CLEC20A: variants seen among roughly 807,000 people sequenced by gnomAD.
CLEC20A encodes C-type lectin domain containing 20A.
chr1:178,486,256 G>A (rs890435445), intron 5 of CLEC20A, among the ~76,000 whole-genome samples: 1 of 152,188 alleles, frequency 6.6e-6, no homozygotes, highest in Non-Finnish European at 1.5e-5. Context: ...AGCCGGAGTG[G>A]GGAGACTGTG....
At chr1:178,489,963 G>T (rs1415602539) in intron 4 of CLEC20A, 109 bp downstream of exon 4, 1 of 397,588 alleles carries the variant, frequency 2.5e-6, no homozygotes, top group Non-Finnish European at 4.4e-6. Context: ...GAGTCTGGAA[G>T]TGCTTCCTTG....
At chr1:178,486,579 A>G in intron 5 of CLEC20A, 1 of 398,704 alleles carries the variant, frequency 2.5e-6, no homozygotes. Context: ...TGGTCCCCAG[A>G]GAGCTCCCTT....
At chr1:178,489,788 T>A (rs73037586) in intron 4 of CLEC20A, among the ~76,000 whole-genome samples, 1,633 of 152,342 alleles carry the variant, frequency 0.011, 26 homozygotes, top group African/African-American at 0.037. Flanking sequence ...GACTCTTAAC[T>A]TCATTGTCCA....
chr1:178,487,581 G>T (rs886078038), intron 5 of CLEC20A, among the ~76,000 whole-genome samples: 1 of 152,186 alleles, frequency 6.6e-6, no homozygotes, highest in Non-Finnish European at 1.5e-5. Context: ...GACAATTACA[G>T]GGGGGGATGC....
intron 7 of CLEC20A, chr1:178,480,293 G>A (rs1230823918): frequency 6.6e-6 from 1 of 152,106 alleles, no homozygotes; most frequent in African/African-American, 2.4e-5. Context: ...CATTAACATG[G>A]TCATCCCATT....
At chr1:178,484,398 G>T (rs1649081607) in intron 5 of CLEC20A, 1 of 152,044 alleles carries the variant, frequency 6.6e-6, no homozygotes, top group Non-Finnish European at 1.5e-5. Flanking sequence ...TTTTAAAACT[G>T]CATCTTTTGG....
chr1:178,479,845 A>G (rs1158906308), intron 7 of CLEC20A: 1 of 305,504 alleles, frequency 3.3e-6, no homozygotes, highest in Non-Finnish European at 5.9e-6. Flanking sequence ...ACTAAAACAG[A>G]TGACTAAATC....
At chr1:178,489,622 T>C (rs1033747799) in intron 4 of CLEC20A, among the ~76,000 whole-genome samples, 7 of 152,166 alleles carry the variant, frequency 4.6e-5, no homozygotes, top group African/African-American at 1.7e-4. Flanking sequence ...GAGTTTCTAC[T>C]CTGCCCCTTA....
At chr1:178,483,557 G>C (rs1423680705) in intron 5 of CLEC20A, 3 of 289,474 alleles carry the variant, frequency 1.0e-5, no homozygotes, top group Non-Finnish European at 1.9e-5. Flanking sequence ...ATGTTAGGAG[G>C]TTTTTCCTCA....
At chr1:178,488,453 C>G in intron 5 of CLEC20A, 48 bp downstream of exon 5, 1 of 398,764 alleles carries the variant, frequency 2.5e-6, no homozygotes. Context: ...CTTGCCACTT[C>G]CCCAGACCCT....
Position 178,489,132 on chromosome 1 carries a change from G to C in CLEC20A, c.830-533C>G, listed in dbSNP as rs1009226658. On this transcript the variant is annotated intron_variant, in intron 4 of 7. Coordinates refer to ENST00000623247, the Ensembl canonical transcript of CLEC20A. ...AATTCCAACACCTTGGGAGGCCAAG[G>C]CGGGTGGATCACTTGAGGTCAGGAG... 2.0e-5 allele frequency among the ~76,000 whole-genome samples: 3 copies of C among 152,278 alleles called. No homozygotes were observed. The East Asian group carries it at 5.8e-4, about 29-fold the overall frequency.
At chr1:178,498,892 A>G (rs1399270406), upstream of CLEC20A, among the ~76,000 whole-genome samples, 1 of 152,200 alleles carries the variant, frequency 6.6e-6, no homozygotes, top group African/African-American at 2.4e-5. Flanking sequence ...TGCAGCCACA[A>G]AAATGTCCTG....
chr1:178,487,299 A>G (rs1269069163), intron 5 of CLEC20A, among the ~76,000 whole-genome samples: 1 of 152,188 alleles, frequency 6.6e-6, no homozygotes, highest in Non-Finnish European at 1.5e-5. Flanking sequence ...AGATGAGAAG[A>G]CAGGCTGTTA....
intron 2 of CLEC20A, among the ~76,000 whole-genome samples, 170 bp downstream of exon 2, chr1:178,494,284 T>G (rs1649336134): frequency 3.3e-5 from 5 of 152,178 alleles, no homozygotes; most frequent in Admixed American, 3.3e-4. Context: ...CCAGGTATGG[T>G]GGCATGCACC....
intron 2 of CLEC20A, chr1:178,493,360 T>A (rs1424103547): frequency 1.3e-5 from 2 of 152,432 alleles, no homozygotes; most frequent in African/African-American, 2.4e-5. Context: ...GTGGCCATGT[T>A]GGGCACATGT....
intron 4 of CLEC20A, among the ~76,000 whole-genome samples, chr1:178,489,361 A>AAATT (rs1428948565): frequency 2.0e-5 from 3 of 152,126 alleles, no homozygotes; most frequent in Non-Finnish European, 4.4e-5. Flanking sequence ...TCTGTCTCAA[A>AAATT]AATTAATTAA....
chr1:178,483,072 G>A (rs1409473061), intron 6 of CLEC20A, 103 bp downstream of exon 6: 1 of 396,644 alleles, frequency 2.5e-6, no homozygotes, highest in African/African-American at 2.1e-5. Flanking sequence ...ATTTCATGCT[G>A]TCTTTCATGA....
At chr1:178,494,429 GC>G (rs1305394945) in intron 2 of CLEC20A, 24 bp downstream of exon 2, 2 of 400,194 alleles carry the variant, frequency 5.0e-6, no homozygotes, top group Non-Finnish European at 8.8e-6. Context: ...GAAAGACCAA[GC>G]CTGAAATATG....
At chr1:178,491,093 A>G (rs1360608221) in intron 3 of CLEC20A, among the ~76,000 whole-genome samples, 1 of 152,192 alleles carries the variant, frequency 6.6e-6, no homozygotes, top group Non-Finnish European at 1.5e-5. Context: ...GAGCCCAGAC[A>G]GACTGAGATG....
Sources: allele counts gnomAD v4.1 joint callset (sites outside exome capture counted in the v4.1 genomes callset), GRCh38; gene constraint gnomAD v4.1.1; transcripts MANE v1.5; gene names NCBI Gene and HGNC (gene_info 2026-07-23, HGNC 2026-07-21).